Variants in GPC4 observed in about 807,000 individuals in gnomAD.
GPC4 encodes the protein glypican-4.
GPC4 carries 10 observed loss-of-function variants against 35.0 expected under a neutral mutation model. The observed-to-expected ratio is 0.29, with a 90% CI of 0.18 to 0.48. The LOEUF is 0.48. Ranked by LOEUF, GPC4 falls within the 20% of genes least tolerant of loss-of-function variation. The pLI is 0.99. For synonymous variants in GPC4, 167 were observed against 170.2 expected (o/e 0.98, Z 0.15); for missense variants, 322 against 451.3 (o/e 0.71, Z 2.60).
At chrX:133,386,701 G>A (rs1449400190) in intron 1 of GPC4, among the ~76,000 whole-genome samples, 1 of 111,632 alleles carries the variant, frequency 9.0e-6, no homozygotes, top group African/African-American at 3.3e-5. Context: ...GTCCTAATTC[G>A]CTCTGACATA....
At position 133,302,902 on chromosome X, in the gene GPC4, T is replaced by A. The variant is rs753589718; in HGVS notation, c.1636A>T (p.Ile546Phe). Reference protein sequence around the residue: ...AQAYLLTVFCILFLVMQREWR With the variant: ...AQAYLLTVFCFLFLVMQREWR The stretch of plus-strand genomic sequence containing the variant: ...TCTCTCTGCATAACCAGGAACAAGA[T>A]GCAGAAGACAGTGAGGAGGTAGGCC... Residue 546 changes from isoleucine to phenylalanine, a missense_variant, in exon 9 of 9, where the codon ATC (isoleucine) becomes TTC (phenylalanine). This residue lies in a region of GPC4 where 99 missense variants were observed against 110.0 expected (regional missense o/e 0.90). Transcript: ENST00000370828. The A allele has an allele frequency of 8.3e-7, 1 of 1,211,771 alleles. No homozygotes were observed. The highest frequency in any genetic ancestry group is 1.1e-6 in the Non-Finnish European group (1 of 895,431).
At chrX:133,386,549 G>A (rs1016699593) in intron 1 of GPC4, among the ~76,000 whole-genome samples, 1 of 111,299 alleles carries the variant, frequency 9.0e-6, no homozygotes, top group African/African-American at 3.3e-5. Context: ...ATGGAAATGG[G>A]AGGCAGGTGC....
chrX:133,407,946 T>C (rs1276122908), intron 1 of GPC4, among the ~76,000 whole-genome samples: 2 of 112,671 alleles, frequency 1.8e-5, no homozygotes, highest in African/African-American at 6.4e-5. Context: ...TTATTGACTT[T>C]TTTAACTCTC....
chrX:133,359,549 C>T (rs888158215), intron 1 of GPC4, among the ~76,000 whole-genome samples: 2 of 111,889 alleles, frequency 1.8e-5, no homozygotes, highest in African/African-American at 3.2e-5. Context: ...TAGTAAGAGG[C>T]TCTTTTGCTC....
chrX:133,384,111 C>A (rs780123935), intron 1 of GPC4, among the ~76,000 whole-genome samples: 27 of 111,835 alleles, frequency 2.4e-4, no homozygotes, highest in South Asian at 7.6e-4. Context: ...TCCCCACTAC[C>A]CAGAGCAAAT....
intron 1 of GPC4, among the ~76,000 whole-genome samples, chrX:133,392,321 A>G (rs1450220562): frequency 9.8e-6 from 1 of 101,749 alleles, no homozygotes; most frequent in Admixed American, 1.2e-4. Flanking sequence ...TTATTCCTAG[A>G]GGTGGGATAA....
At chrX:133,387,652 G>A (rs1465891739) in intron 1 of GPC4, among the ~76,000 whole-genome samples, 4 of 111,860 alleles carry the variant, frequency 3.6e-5, no homozygotes, top group African/African-American at 1.3e-4. Flanking sequence ...TAAAGGACAG[G>A]CAATGCCAGA....
At chrX:133,324,656 G>A (rs1171441767) in intron 2 of GPC4, 120 bp from the exon 3 acceptor site, 9 of 693,804 alleles carry the variant, frequency 1.3e-5, no homozygotes, top group African/African-American at 4.4e-5. Context: ...ATTGGAAAAC[G>A]TGTTTGTATA....
At chrX:133,414,085 G>A (rs2068825755) in intron 1 of GPC4, among the ~76,000 whole-genome samples, 2 of 111,000 alleles carry the variant, frequency 1.8e-5, no homozygotes, top group South Asian at 3.9e-4. Flanking sequence ...AGAAAGAGGG[G>A]AAAAATACTC....
chrX:133,317,445 T>C (rs1029531458), intron 3 of GPC4, among the ~76,000 whole-genome samples: 1 of 110,304 alleles, frequency 9.1e-6, no homozygotes, highest in African/African-American at 3.3e-5. Flanking sequence ...TAACCTGCAT[T>C]TTCCAAACAC....
chrX:133,307,639 C>A (rs189087342), intron 4 of GPC4, among the ~76,000 whole-genome samples: 1 of 111,865 alleles, frequency 8.9e-6, no homozygotes, highest in Non-Finnish European at 1.9e-5. Context: ...ACAAGTGGAG[C>A]ACAACTTAAA....
At chrX:133,347,871 C>T (rs1388534703) in intron 1 of GPC4, among the ~76,000 whole-genome samples, 1 of 111,982 alleles carries the variant, frequency 8.9e-6, no homozygotes, top group African/African-American at 3.2e-5. Context: ...ACCTACTAAT[C>T]AGTAGGAGAA....
At chrX:133,407,043 G>A (rs996241226) in intron 1 of GPC4, among the ~76,000 whole-genome samples, 3 of 101,312 alleles carry the variant, frequency 3.0e-5, no homozygotes, top group African/African-American at 1.1e-4. Flanking sequence ...GCCATTGCAC[G>A]CCAGCCTGGG....
intron 1 of GPC4, among the ~76,000 whole-genome samples, chrX:133,412,088 T>C (rs763117241): frequency 4.5e-5 from 5 of 111,966 alleles, no homozygotes; most frequent in Non-Finnish European, 9.4e-5. Flanking sequence ...ATACTTCACC[T>C]GGAAAATGAT....
At chrX:133,320,992 T>C (rs191122837) in intron 3 of GPC4, among the ~76,000 whole-genome samples, 70 of 110,940 alleles carry the variant, frequency 6.3e-4, no homozygotes, top group African/African-American at 2.1e-3. Flanking sequence ...CAGTGAGCTA[T>C]GATTGTGCCA....
chrX:133,356,132 C>G (rs1479885111), intron 1 of GPC4, among the ~76,000 whole-genome samples: 1 of 111,823 alleles, frequency 8.9e-6, no homozygotes, highest in Non-Finnish European at 1.9e-5. Context: ...TTTGTATGGC[C>G]CCTTCAAGTT....
intron 6 of GPC4, 121 bp from the exon 7 acceptor site, chrX:133,304,982 T>C (rs1231951302): frequency 1.5e-6 from 1 of 672,423 alleles, no homozygotes; most frequent in African/African-American, 2.2e-5. Context: ...CATTTTCAAC[T>C]TTAATTAGAA....
intron 1 of GPC4, among the ~76,000 whole-genome samples, chrX:133,383,714 G>A (rs557981531): frequency 1.8e-5 from 2 of 111,570 alleles, no homozygotes; most frequent in South Asian, 7.7e-4. Context: ...AGGTGTTGTG[G>A]TGCATGCCTG....
chrX:133,362,784 A>T (rs2068574753), intron 1 of GPC4, among the ~76,000 whole-genome samples: 1 of 112,042 alleles, frequency 8.9e-6, no homozygotes, highest in South Asian at 3.8e-4. Context: ...ATGACTTTTC[A>T]GTGAAAGCTC....
Sources: allele counts gnomAD v4.1 joint callset (sites outside exome capture counted in the v4.1 genomes callset), GRCh38; gene constraint gnomAD v4.1.1; regional missense constraint gnomAD v4.1.1; transcripts MANE v1.5; gene names NCBI Gene and HGNC (gene_info 2026-07-23, HGNC 2026-07-21).